Variants in HELZ observed in about 807,000 individuals in gnomAD.
HELZ encodes helicase with zinc finger.
HELZ carries 23 observed loss-of-function variants against 218.2 expected under a neutral mutation model. That is an observed-to-expected ratio of 0.11 (90% CI 0.08 to 0.15). The LOEUF (loss-of-function observed/expected upper bound fraction) is 0.15, where lower values mean the gene tolerates loss of function less well. HELZ is among the 10% of genes least tolerant of loss of function. HELZ has a pLI of 1.00. For synonymous variants in HELZ, 814 were observed against 829.4 expected, an observed-to-expected ratio of 0.98 and a Z score of 0.32; for missense variants, 1,813 against 2,353.7, an observed-to-expected ratio of 0.77 and a Z score of 4.75.
chr17:67,161,882 T>G (rs1247984022), intron 15 of HELZ, among the ~76,000 whole-genome samples: 1 of 152,148 alleles, frequency 6.6e-6, no homozygotes, highest in Non-Finnish European at 1.5e-5. Context: ...GCATTCTTTC[T>G]CACAACTACC....
chr17:67,144,592 G>A (rs1446737267), intron 21 of HELZ, among the ~76,000 whole-genome samples: 4 of 151,730 alleles, frequency 2.6e-5, no homozygotes, highest in African/African-American at 4.8e-5. Flanking sequence ...CACCGTGAAT[G>A]AACAAGTAAC....
At chr17:67,161,903 T>C (rs960317699) in intron 15 of HELZ, among the ~76,000 whole-genome samples, 1 of 152,156 alleles carries the variant, frequency 6.6e-6, no homozygotes, top group Admixed American at 6.5e-5. Flanking sequence ...GTTAAAATAC[T>C]ATACGTCACA....
chr17:67,145,812 T>C lies in HELZ; in HGVS notation c.2700A>G (p.Leu900=). ...CTTCTCCTCGTGCTGTAAAGAAAGT[T>C]AGTGGGTAGAAATCTTTGTGTGCTG... The part of the protein sequence containing the change: ...KQPAHKDFYP[L]TFFTARGEDV... Residue 900 remains leucine (L), a synonymous_variant, in exon 21 of 33, where the codon CTA becomes CTG. Transcript: ENST00000358691. The C allele has an allele frequency of 6.2e-7, 1 of 1,613,612 alleles. No homozygotes were observed. The highest frequency in any genetic ancestry group is 1.1e-5 in the South Asian group (1 of 91,060).
chr17:67,244,529 T>G, intron 1 of HELZ: 1 of 888,578 alleles, frequency 1.1e-6, no homozygotes, highest in Non-Finnish European at 1.3e-6. Context: ...AGAGAGCCTA[T>G]CTTTATTTTT....
At chr17:67,158,491 A>G (rs1424968140) in intron 17 of HELZ, among the ~76,000 whole-genome samples, 2 of 152,248 alleles carry the variant, frequency 1.3e-5, no homozygotes, top group African/African-American at 4.8e-5. Flanking sequence ...ATTCTTAAGA[A>G]ATACATTTGC....
intron 15 of HELZ, among the ~76,000 whole-genome samples, chr17:67,162,436 T>G (rs1333891087): frequency 6.6e-6 from 1 of 152,172 alleles, no homozygotes. Context: ...ACCGGCTTAT[T>G]TATTCATAAT....
At chr17:67,194,265 T>C (rs574885003) in intron 8 of HELZ, among the ~76,000 whole-genome samples, 1 of 152,334 alleles carries the variant, frequency 6.6e-6, no homozygotes, top group Admixed American at 6.5e-5. Context: ...AAAATCAAGC[T>C]GGTGACTCTG....
intron 21 of HELZ, among the ~76,000 whole-genome samples, chr17:67,138,888 A>C (rs2038233198): frequency 6.6e-6 from 1 of 152,200 alleles, no homozygotes; most frequent in African/African-American, 2.4e-5. Context: ...GAGAAGGTAC[A>C]AAAGTTAATA....
intron 8 of HELZ, among the ~76,000 whole-genome samples, chr17:67,194,402 G>A (rs575499483): frequency 1.3e-5 from 2 of 152,086 alleles, no homozygotes; most frequent in South Asian, 4.2e-4. Flanking sequence ...TTCCTTCAGG[G>A]ATGAAAAAAA....
At position 67,138,066 on chromosome 17, in the gene HELZ, C is replaced by T. The variant is rs2038206839; in HGVS notation, c.2818G>A (p.Val940Ile). 1.2e-6 allele frequency: 2 copies of T among 1,613,876 alleles called. No homozygotes were observed. The highest frequency in any genetic ancestry group is 2.2e-5 in the East Asian group (1 of 44,864). The change falls in exon 22 of 33, where the codon GTA (valine) becomes ATA (isoleucine). Residue 940 changes from valine to isoleucine, a missense_variant. Around this residue, in one of 4 missense-constraint regions of HELZ, gnomAD observed 156 missense variants for 274.4 expected, o/e 0.57. Transcript: ENST00000358691. ...CCATCATCTAACTTCCCCCACGCTACTGGCCACTTCCTTCTTAACTCTTCT... is the reference window on the plus strand; with the variant it reads ...CCATCATCTAACTTCCCCCACGCTATTGGCCACTTCCTTCTTAACTCTTCT... ...RVEELRRKWPVAWGKLDDGSI... is the reference protein window; with the variant it reads ...RVEELRRKWPIAWGKLDDGSI...
At chr17:67,236,090 C>T (rs1023607634) in intron 3 of HELZ, among the ~76,000 whole-genome samples, 2 of 152,158 alleles carry the variant, frequency 1.3e-5, no homozygotes, top group African/African-American at 4.8e-5. Context: ...ACAATTTTTA[C>T]TGACCATATT....
chr17:67,184,059 T>A (rs1196708037), intron 12 of HELZ, among the ~76,000 whole-genome samples: 5 of 152,058 alleles, frequency 3.3e-5, no homozygotes, highest in African/African-American at 4.8e-5. Flanking sequence ...CAATTCAAAT[T>A]TGAATTAACT....
intron 32 of HELZ, among the ~76,000 whole-genome samples, chr17:67,081,140 G>A (rs2036176978): frequency 6.6e-6 from 1 of 152,206 alleles, no homozygotes; most frequent in Non-Finnish European, 1.5e-5. Flanking sequence ...CTTTGACTAT[G>A]CAACAAAGAC....
intron 31 of HELZ, among the ~76,000 whole-genome samples, chr17:67,093,046 T>C (rs776087517): frequency 4.6e-5 from 7 of 152,006 alleles, no homozygotes; most frequent in African/African-American, 9.7e-5. Context: ...GATGAACAAG[T>C]TGAAAAAAGG....
chr17:67,240,480 A>G (rs1293050441), intron 2 of HELZ, among the ~76,000 whole-genome samples: 2 of 152,220 alleles, frequency 1.3e-5, no homozygotes, highest in African/African-American at 4.8e-5. Context: ...ATAAAAGTAA[A>G]TAATTTTTTA....
intron 5 of HELZ, among the ~76,000 whole-genome samples, chr17:67,213,846 G>A (rs1187102795): frequency 6.6e-6 from 1 of 152,130 alleles, no homozygotes. Flanking sequence ...AATTAAGCAG[G>A]AATTGGAGCC....
chr17:67,193,906 A>C, intron 9 of HELZ, 61 bp downstream of exon 9: 4 of 1,270,964 alleles, frequency 3.1e-6, no homozygotes, highest in Non-Finnish European at 4.6e-6. Context: ...TTAGATAAGG[A>C]AAATTATCTG....
chr17:67,233,214 G>A (rs1449116044), intron 3 of HELZ, among the ~76,000 whole-genome samples: 1 of 152,164 alleles, frequency 6.6e-6, no homozygotes, highest in Non-Finnish European at 1.5e-5. Context: ...TTAGCCGGGT[G>A]TGATGGCATG....
intron 5 of HELZ, among the ~76,000 whole-genome samples, chr17:67,214,545 C>A (rs891980474): frequency 2.0e-5 from 3 of 151,250 alleles, no homozygotes; most frequent in African/African-American, 7.3e-5. Context: ...GGATTACAGG[C>A]GTGAGCCACC....
Sources: gnomAD v4.1 joint callset for allele counts (sites outside exome capture counted in the v4.1 genomes callset) on GRCh38, gnomAD v4.1.1 for gene constraint, gnomAD v4.1.1 regional missense constraint, MANE v1.5 for transcripts, NCBI Gene and HGNC (gene_info 2026-07-23, HGNC 2026-07-21) for gene names.